The following TBCK variants were observed in gnomAD, a reference collection of about 807,000 sequenced individuals.
TBCK encodes the protein TBC1 domain containing kinase.
Under a neutral mutation model 113.4 loss-of-function variants are expected in TBCK, and 99 were observed. The observed-to-expected ratio is 0.87, with a 90% confidence interval of 0.74 to 1.03. The LOEUF (loss-of-function observed/expected upper bound fraction) is 1.03. TBCK is among the 50% of genes least tolerant of loss of function. The probability of loss-of-function intolerance (pLI) is 0.00; values close to 1 mark genes in which losing one functional copy is unlikely to be tolerated. For missense variants in TBCK, 1,045 were observed against 1,061.3 expected (o/e 0.98, Z 0.21); for synonymous variants, 369 against 370.8 (o/e 1.00, Z 0.05).
chr4:106,302,056 C>T (rs1431139527), intron 2 of TBCK, among the ~76,000 whole-genome samples: 2 of 152,204 alleles, frequency 1.3e-5, no homozygotes, highest in East Asian at 3.8e-4. Flanking sequence ...TCCTTATACA[C>T]ACAACTTTTC....
At chr4:106,225,977 C>T (rs1033387380) in intron 19 of TBCK, among the ~76,000 whole-genome samples, 1 of 151,910 alleles carries the variant, frequency 6.6e-6, no homozygotes, top group Non-Finnish European at 1.5e-5. Flanking sequence ...GCCTGGGGAA[C>T]ATGGCCAAAC....
At chr4:106,199,565 C>T (rs915246526) in intron 20 of TBCK, among the ~76,000 whole-genome samples, 2 of 152,168 alleles carry the variant, frequency 1.3e-5, no homozygotes, top group Non-Finnish European at 2.9e-5. Flanking sequence ...GTTTTCTCCA[C>T]TTGCATGTCT....
intron 23 of TBCK, among the ~76,000 whole-genome samples, chr4:106,133,830 T>C (rs1238414440): frequency 6.6e-6 from 1 of 152,036 alleles, no homozygotes; most frequent in Non-Finnish European, 1.5e-5. Context: ...CTGGCCAACA[T>C]GAAACCCCAT....
At chr4:106,215,977 C>T (rs1380516085) in intron 19 of TBCK, among the ~76,000 whole-genome samples, 4 of 148,004 alleles carry the variant, frequency 2.7e-5, no homozygotes, top group Admixed American at 2.7e-4. Flanking sequence ...TAAAGCTCTC[C>T]TCAGCAAATG....
chr4:106,046,438 T>A lies in TBCK; in HGVS notation c.*132A>T. On this transcript the variant is annotated 3_prime_UTR_variant, in exon 26 of 26. Transcript: ENST00000394708. ...ATGTGGGTTATGAGATTTTAAAAAA[T>A]GTCTCGTGACAAACTTTACGGAAAT... 1 of 559,782 alleles carries A rather than the reference T, an allele frequency of 1.8e-6. No individual in the cohort carries two copies. The highest frequency in any genetic ancestry group is 2.6e-5 in the South Asian group (1 of 38,048). The allele number at this position is 559,782 out of a possible 1,614,324, so 34.7% of individuals were successfully genotyped here.
chr4:106,102,721 TA>T (rs1741697444), intron 24 of TBCK, among the ~76,000 whole-genome samples: 1 of 152,100 alleles, frequency 6.6e-6, no homozygotes, highest in Non-Finnish European at 1.5e-5. Flanking sequence ...AAATGATGTA[TA>T]AAAGCAAAAC....
intron 20 of TBCK, among the ~76,000 whole-genome samples, chr4:106,198,146 A>G (rs1754473155): frequency 6.6e-6 from 1 of 152,156 alleles, no homozygotes; most frequent in South Asian, 2.1e-4. Flanking sequence ...GTCAGAAAAC[A>G]TACAACTGAG....
intron 25 of TBCK, among the ~76,000 whole-genome samples, chr4:106,087,031 G>A (rs2149500758): frequency 6.6e-6 from 1 of 152,278 alleles, no homozygotes; most frequent in African/African-American, 2.4e-5. Context: ...ACAATACAAG[G>A]ATGCCCTCTC....
At chr4:106,276,213 T>C (rs1764011059) in intron 3 of TBCK, among the ~76,000 whole-genome samples, 1 of 152,080 alleles carries the variant, frequency 6.6e-6, no homozygotes, top group Non-Finnish European at 1.5e-5. Flanking sequence ...TGGATATCAG[T>C]ATGGGAAAAA....
intron 25 of TBCK, among the ~76,000 whole-genome samples, chr4:106,052,905 ACCC>A (rs1734964605): frequency 1.3e-5 from 2 of 151,680 alleles, no homozygotes; most frequent in African/African-American, 2.4e-5. Flanking sequence ...TTTGATGCAA[ACCC>A]AGATATTTTA....
rs925343986 is a variant in TBCK at position 106,248,920 on chromosome 4, C to T, written c.720+1G>A. On this transcript the variant is annotated splice_donor_variant, in intron 8 of 25. Transcript: ENST00000394708. LOFTEE classifies it high-confidence loss of function. ...GACTAAGACCCAGATTAATGACAAA[C>T]CTTTATAATGTCCAAACAACCATGC... is the stretch of plus-strand genomic sequence containing the variant. 3.1e-6 allele frequency: 5 copies of T among 1,604,970 alleles called. No individual in the cohort carries two copies. The African/African-American group carries it at 6.7e-5, about 22-fold the overall frequency.
chr4:106,185,128 T>C (rs951882455), intron 22 of TBCK, among the ~76,000 whole-genome samples: 1 of 152,132 alleles, frequency 6.6e-6, no homozygotes, highest in Non-Finnish European at 1.5e-5. Flanking sequence ...GCAGTTTTCG[T>C]ATGATTGATA....
intron 23 of TBCK, among the ~76,000 whole-genome samples, chr4:106,134,296 C>T (rs1214861630): frequency 2.6e-5 from 4 of 151,626 alleles, no homozygotes; most frequent in Admixed American, 2.6e-4. Flanking sequence ...ATTTCATTTG[C>T]ATATTCTGTG....
At position 106,229,004 on chromosome 4, in the gene TBCK, A is replaced by G. The variant is rs575921902; in HGVS notation, c.1774+1359T>C. ...ATTTCTCTGATCATCAATGATGTTG[A>G]GCACCTTTTCAGAAGCCTGTTTGCC... On this transcript the variant is annotated intron_variant, in intron 19 of 25. Transcript: ENST00000394708. Among the ~76,000 whole-genome samples the G allele has an allele frequency of 1.1e-4, 16 of 152,184 alleles. No individual in the cohort carries two copies. The South Asian group carries it at 3.3e-3, about 32-fold the overall frequency.
intron 23 of TBCK, among the ~76,000 whole-genome samples, chr4:106,127,965 G>A (rs1349803126): frequency 5.3e-5 from 8 of 151,800 alleles, no homozygotes; most frequent in Admixed American, 3.3e-4. Context: ...ACACACACAC[G>A]CGTACACACA....
At chr4:106,314,208 G>A (rs868312054) in intron 1 of TBCK, among the ~76,000 whole-genome samples, 1 of 152,148 alleles carries the variant, frequency 6.6e-6, no homozygotes, top group Non-Finnish European at 1.5e-5. Context: ...TGTAGTTTCT[G>A]AAGTGATAAA....
At chr4:106,105,238 G>C (rs1742005776) in intron 24 of TBCK, among the ~76,000 whole-genome samples, 1 of 152,184 alleles carries the variant, frequency 6.6e-6, no homozygotes, top group Non-Finnish European at 1.5e-5. Context: ...CACCAGACAG[G>C]AAACTCCTGG....
chr4:106,220,527 G>A (rs1757555896), intron 19 of TBCK, among the ~76,000 whole-genome samples: 1 of 148,628 alleles, frequency 6.7e-6, no homozygotes, highest in Admixed American at 6.8e-5. Flanking sequence ...AAGAGCTTCA[G>A]GGCAAAAAGA....
chr4:106,213,216 G>C, intron 19 of TBCK: 1 of 170,488 alleles, frequency 5.9e-6, no homozygotes, highest in South Asian at 1.5e-4. Context: ...TTTATAAGCA[G>C]TCACAAATGG....
Sources: gnomAD v4.1 joint callset for allele counts (sites outside exome capture counted in the v4.1 genomes callset) on GRCh38, gnomAD v4.1.1 for gene constraint, MANE v1.5 for transcripts, NCBI Gene and HGNC (gene_info 2026-07-23, HGNC 2026-07-21) for gene names.